The following TNRC6A variants were observed in gnomAD, a reference collection of about 807,000 sequenced individuals.
TNRC6A encodes trinucleotide repeat-containing gene 6A protein.
Under a neutral mutation model 221.2 loss-of-function variants are expected in TNRC6A, and 44 were observed. The ratio of observed to expected loss-of-function variants is 0.20; its 90% CI spans 0.16 to 0.26. TNRC6A has a LOEUF of 0.26. Among genes scored for constraint, TNRC6A ranks in the 10% least tolerant of loss-of-function variants. The pLI is 1.00. For missense variants in TNRC6A, 2,199 were observed against 2,404.4 expected, an observed-to-expected ratio of 0.91 and a Z score of 1.79; for synonymous variants, 847 against 838.5, an observed-to-expected ratio of 1.01 and a Z score of -0.18.
intron 1 of TNRC6A, among the ~76,000 whole-genome samples, chr16:24,625,967 G>T (rs1460024971): frequency 1.3e-5 from 2 of 152,228 alleles, no homozygotes; most frequent in East Asian, 1.9e-4. Flanking sequence ...CCATCTAAGA[G>T]ATTCTAATTT....
chr16:24,666,669 AT>A (rs371155103), intron 2 of TNRC6A, among the ~76,000 whole-genome samples: 986 of 66,056 alleles, frequency 0.015, 19 homozygotes, highest in East Asian at 0.034. Flanking sequence ...AAAAAAAAAA[AT>A]ATATATATAT....
chr16:24,731,869 C>G (rs906259398), intron 2 of TNRC6A, among the ~76,000 whole-genome samples: 1 of 152,210 alleles, frequency 6.6e-6, no homozygotes, highest in Non-Finnish European at 1.5e-5. Flanking sequence ...GCCTCTCTGT[C>G]CAATCTATAA....
intron 2 of TNRC6A, among the ~76,000 whole-genome samples, chr16:24,642,257 G>T (rs909662795): frequency 6.6e-6 from 1 of 152,188 alleles, no homozygotes; most frequent in African/African-American, 2.4e-5. Context: ...ACTGAGCAAT[G>T]TTGTCCGAAG....
chr16:24,789,552 G>C lies in TNRC6A; in HGVS notation c.910G>C (p.Val304Leu). 1 of 1,614,152 alleles carries C rather than the reference G, an allele frequency of 6.2e-7. No individual in the cohort carries two copies. Among genetic ancestry groups the C allele is most frequent in the Non-Finnish European group, 8.5e-7 (1 of 1,180,032 alleles). ...TGTAGTTGGTAGCAGCAGCAATAAT[G>C]TGGGCCATGGAAGTAGTACTGGGCC... ...KFVVGSSSNN[V>L]GHGSSTGPWG... Residue 304 changes from valine to leucine, a missense_variant, in exon 6 of 25, where the codon GTG (valine) becomes CTG (leucine). By Grantham distance (32) the Val-to-Leu change is conservative. This residue lies in a region of TNRC6A where 1,405 missense variants were observed against 1,400.2 expected (regional missense o/e 1.00). Transcript: ENST00000395799.
Position 24,823,699 on chromosome 16 carries a change from C to T in TNRC6A, c.5781C>T (p.Ser1927=). Residue 1927 remains serine, a synonymous_variant, in exon 25 of 25, where the codon AGC becomes AGT. Coordinates refer to ENST00000395799, the MANE Select transcript of TNRC6A (RefSeq NM_014494.4). This position sits in a 1 kb window ranked among gnomAD's most constrained non-coding sequence, Gnocchi z 4.3. Reference sequence around the variant, plus strand: ...GGGGGACCCCGCATTATTCCACAAGCCTGTGGGGTCCCCCAAGCAGCAGCG... The same window carrying T: ...GGGGGACCCCGCATTATTCCACAAGTCTGTGGGGTCCCCCAAGCAGCAGCG... ...SLWGTPHYST[S]LWGPPSSSDP... 1 of 1,586,964 alleles carries T rather than the reference C, an allele frequency of 6.3e-7. No individual in the cohort carries two copies. Among genetic ancestry groups the T allele is most frequent in the Non-Finnish European group, 8.6e-7 (1 of 1,165,380 alleles).
At chr16:24,616,944 C>T (rs1451517287) in intron 1 of TNRC6A, among the ~76,000 whole-genome samples, 1 of 149,258 alleles carries the variant, frequency 6.7e-6, no homozygotes, top group Non-Finnish European at 1.5e-5. Flanking sequence ...GTGTATTCTG[C>T]AATTGTTGGG....
chr16:24,755,798 ATT>A (rs993855179), intron 3 of TNRC6A, among the ~76,000 whole-genome samples: 2 of 150,690 alleles, frequency 1.3e-5, no homozygotes, highest in African/African-American at 2.4e-5. Context: ...CATAGCTCAG[ATT>A]TTTTTTTTAA....
intron 2 of TNRC6A, among the ~76,000 whole-genome samples, chr16:24,679,855 C>T (rs948843486): frequency 4.6e-5 from 7 of 152,034 alleles, no homozygotes; most frequent in African/African-American, 9.7e-5. Flanking sequence ...GCAATCCTCC[C>T]GCTTCAGCCT....
intron 2 of TNRC6A, among the ~76,000 whole-genome samples, chr16:24,687,460 C>T (rs1191641423): frequency 6.6e-6 from 1 of 151,992 alleles, no homozygotes; most frequent in Non-Finnish European, 1.5e-5. Context: ...CTTCTTGGCC[C>T]TATCACCTTG....
At position 24,791,589 on chromosome 16, in the gene TNRC6A, G is replaced by C. The variant is rs775197652; in HGVS notation, c.2947G>C (p.Glu983Gln). The stretch of plus-strand genomic sequence containing the variant: ...TATACCAGCCCCAGCAAAAGAAGAA[G>C]AACCCACAGGCTGGGAGGAACCATC... ...GPIPAPAKEEEPTGWEEPSPE... is the reference protein window; with the variant it reads ...GPIPAPAKEEQPTGWEEPSPE... Residue 983 changes from glutamate (E) to glutamine (Q), a missense_variant, in exon 6 of 25, where the codon GAA becomes CAA. This residue lies in a region of TNRC6A where 1,405 missense variants were observed against 1,400.2 expected (regional missense o/e 1.00). Transcript: ENST00000395799. 1.3e-6 allele frequency: 2 copies of C among 1,583,616 alleles called. No homozygotes were observed. Among genetic ancestry groups the C allele is most frequent in the Admixed American group, 1.8e-5 (1 of 54,404 alleles).
At chr16:24,728,307 C>A (rs1596555675), upstream of TNRC6A, among the ~76,000 whole-genome samples, 1 of 152,002 alleles carries the variant, frequency 6.6e-6, no homozygotes, top group South Asian at 2.1e-4. Flanking sequence ...AATAGCTAGG[C>A]GCAGTGGTGC....
At chr16:24,638,668 G>A (rs913463480) in intron 1 of TNRC6A, among the ~76,000 whole-genome samples, 1 of 151,366 alleles carries the variant, frequency 6.6e-6, no homozygotes, top group Non-Finnish European at 1.5e-5. Flanking sequence ...AGCTGAGACC[G>A]CACCATTGCA....
In TNRC6A at chr16:24,804,297, A is replaced by T; in HGVS notation, c.3815A>T (p.Glu1272Val). 1.2e-6 allele frequency: 2 copies of T among 1,612,886 alleles called. No individual in the cohort carries two copies. Among genetic ancestry groups the T allele is most frequent in the Non-Finnish European group, 1.7e-6 (2 of 1,179,788 alleles). ...RPQISKESSMERNPYFDKDGI... is the reference protein window; with the variant it reads ...RPQISKESSMVRNPYFDKDGI... Reference sequence around the variant, plus strand: ...CAGATTTCCAAAGAGTCTTCCATGGAGCGCAATCCTTATTTTGATAAGGTA... The same window carrying T: ...CAGATTTCCAAAGAGTCTTCCATGGTGCGCAATCCTTATTTTGATAAGGTA... Residue 1272 changes from glutamate to valine, a missense_variant, in exon 12 of 25, where the codon GAG becomes GTG. Physicochemically the swap from Glu to Val is moderately radical, Grantham distance 121. Around this residue, in one of 8 missense-constraint regions of TNRC6A, gnomAD observed 158 missense variants for 159.1 expected, o/e 0.99. Coordinates refer to ENST00000395799, the MANE Select transcript of TNRC6A (RefSeq NM_014494.4).
intron 5 of TNRC6A, among the ~76,000 whole-genome samples, chr16:24,780,031 G>GT (rs2057806362): frequency 7.3e-6 from 1 of 137,424 alleles, no homozygotes; most frequent in Admixed American, 7.1e-5. Context: ...TGAAATAACT[G>GT]TTTAATATGG....
rs368914160 is a variant in TNRC6A at position 24,776,209 on chromosome 16, ATTTC to A, written c.164-715_164-712del. On this transcript the variant is annotated intron_variant, in intron 4 of 24. Coordinates refer to ENST00000395799, the MANE Select transcript of TNRC6A (RefSeq NM_014494.4). ...AGCTTAAGGCATTTCCATCCGTTTT[ATTTC>A]TTTCTTTCCACTCTTTTATGAGTCA... The A allele has an allele frequency of 1.3e-4, 124 of 944,644 alleles. 1 individual carries two copies. In the African/African-American group the frequency reaches 2.0e-3, roughly 15 times the overall value. The allele number at this position is 944,644 out of a possible 1,614,324, so 58.5% of individuals were successfully genotyped here. A position where few individuals can be genotyped will look rare whatever the true frequency, so the allele number is the denominator to read the frequency against.
intron 4 of TNRC6A, among the ~76,000 whole-genome samples, chr16:24,767,560 A>G (rs1472131560): frequency 6.6e-6 from 1 of 152,196 alleles, no homozygotes; most frequent in East Asian, 1.9e-4. Context: ...GTTCTTGACT[A>G]ATTGCTATGC....
intron 11 of TNRC6A, chr16:24,803,525 T>C (rs562637394): frequency 7.2e-5 from 11 of 152,318 alleles, no homozygotes; most frequent in Admixed American, 2.6e-4. Flanking sequence ...TTATTACTTG[T>C]TAATGGAAAC....
chr16:24,806,047 C>A (rs986131421), intron 15 of TNRC6A, among the ~76,000 whole-genome samples, 159 bp from the exon 16 acceptor site: 3 of 152,196 alleles, frequency 2.0e-5, no homozygotes, highest in Admixed American at 6.5e-5. Flanking sequence ...TGACTAGAAA[C>A]CAGAGAGTCC....
At chr16:24,716,955 C>CA (rs141168433) in intron 2 of TNRC6A, among the ~76,000 whole-genome samples, 19,947 of 74,384 alleles carry the variant, frequency 0.27, 1,914 homozygotes, top group Non-Finnish European at 0.37. Flanking sequence ...GACTCCATCT[C>CA]AAAAAAAAAA....
Sources: gnomAD v4.1 joint callset for allele counts (sites outside exome capture counted in the v4.1 genomes callset) on GRCh38, gnomAD v4.1.1 for gene constraint, gnomAD v4.1.1 regional missense constraint, Gnocchi (gnomAD v3.1) non-coding constraint, MANE v1.5 for transcripts, NCBI Gene and HGNC (gene_info 2026-07-23, HGNC 2026-07-21) for gene names.